ANKRD33B: variants seen among roughly 807,000 people sequenced by gnomAD.
ANKRD33B encodes the protein ankyrin repeat domain-containing protein 33B.
ANKRD33B carries 6 observed loss-of-function variants against 21.5 expected under a neutral mutation model. The ratio of observed to expected loss-of-function variants is 0.28; its 90% CI spans 0.15 to 0.55. ANKRD33B has a LOEUF of 0.55. ANKRD33B is among the 20% of genes least tolerant of loss of function. ANKRD33B has a pLI of 0.94. For missense variants in ANKRD33B, 698 were observed against 747.2 expected, an observed-to-expected ratio of 0.93 and a Z score of 0.77; for synonymous variants, 347 against 342.4, an observed-to-expected ratio of 1.01 and a Z score of -0.15.
rs778110256 is a variant in ANKRD33B at position 10,653,855 on chromosome 5, C to T, written c.*3742C>T. On this transcript the variant is annotated 3_prime_UTR_variant, in exon 4 of 4. Coordinates refer to ENST00000296657, the MANE Select transcript of ANKRD33B (RefSeq NM_001164440.2). ...GCTTTGAACAGCTGCATTCACTCAC[C>T]GAGGGCTCGCCCTCCCTGGATCTGC... 6 of 152,420 alleles carry T rather than the reference C, an allele frequency of 3.9e-5. No individual in the cohort carries two copies. Among genetic ancestry groups the T allele is most frequent in the Non-Finnish European group, 7.3e-5 (5 of 68,124 alleles). 9.4% of individuals were successfully genotyped at this position (152,420 alleles called of 1,614,324 possible).
intron 1 of ANKRD33B, among the ~76,000 whole-genome samples, chr5:10,573,455 G>C (rs965304554): frequency 2.2e-5 from 3 of 137,598 alleles, no homozygotes; most frequent in African/African-American, 5.3e-5. Flanking sequence ...GCAACAGAGC[G>C]AGACTCCGTC....
At chr5:10,601,645 G>T (rs981635961) in intron 1 of ANKRD33B, among the ~76,000 whole-genome samples, 1 of 152,254 alleles carries the variant, frequency 6.6e-6, no homozygotes, top group Non-Finnish European at 1.5e-5. Flanking sequence ...GGACCAGTAA[G>T]CCTGCTGATG....
At chr5:10,626,833 G>GTGA (rs1271528678) in intron 2 of ANKRD33B, among the ~76,000 whole-genome samples, 1 of 152,212 alleles carries the variant, frequency 6.6e-6, no homozygotes. Flanking sequence ...TGCGTCACAA[G>GTGA]CCCGTGCCAA....
At chr5:10,647,639 G>A (rs1248975338) in intron 3 of ANKRD33B, among the ~76,000 whole-genome samples, 1 of 152,192 alleles carries the variant, frequency 6.6e-6, no homozygotes, top group Admixed American at 6.5e-5. Context: ...CAACCAATAG[G>A]ATGTGGATAT....
chr5:10,649,993 C>T lies in ANKRD33B; in HGVS notation c.1365C>T (p.Ile455=). ...CCAAGGACAGCGGCCACCTGCAGAT[C>T]CCCAAGTGGCGGTACAAGGAGGCCA... ...GSTKDSGHLQ[I]PKWRYKEAKE... Residue 455 remains isoleucine, a synonymous_variant, in exon 4 of 4, where the codon ATC becomes ATT. Coordinates refer to ENST00000296657, the MANE Select transcript of ANKRD33B (RefSeq NM_001164440.2). 6.5e-7 allele frequency: 1 copy of T among 1,533,636 alleles called. No individual in the cohort carries two copies. The highest frequency in any genetic ancestry group is 8.7e-7 in the Non-Finnish European group (1 of 1,144,918).
intron 3 of ANKRD33B, among the ~76,000 whole-genome samples, chr5:10,648,498 G>A (rs534003205): frequency 1.3e-5 from 2 of 152,328 alleles, no homozygotes; most frequent in South Asian, 2.1e-4. Context: ...AGTGGCTCAC[G>A]CCTGTAATCC....
At chr5:10,633,852 G>C (rs1736793416) in intron 2 of ANKRD33B, among the ~76,000 whole-genome samples, 1 of 152,198 alleles carries the variant, frequency 6.6e-6, no homozygotes, top group Non-Finnish European at 1.5e-5. Context: ...ATAAAGGGCT[G>C]ATGGGCCTTG....
At chr5:10,597,836 C>A (rs1735849353) in intron 1 of ANKRD33B, among the ~76,000 whole-genome samples, 1 of 152,232 alleles carries the variant, frequency 6.6e-6, no homozygotes, top group Non-Finnish European at 1.5e-5. Flanking sequence ...AACAAACAGT[C>A]TCTCAGACCA....
chr5:10,572,326 G>T (rs148576311), intron 1 of ANKRD33B, among the ~76,000 whole-genome samples: 3 of 152,268 alleles, frequency 2.0e-5, no homozygotes, highest in Admixed American at 1.3e-4. Flanking sequence ...GAACTTGTTA[G>T]GAGTGCAGAA....
In ANKRD33B at chr5:10,564,833, G is replaced by T; in HGVS notation, c.366G>T (p.Arg122Ser). 1.3e-6 allele frequency: 2 copies of T among 1,495,476 alleles called. No homozygotes were observed. The highest frequency in any genetic ancestry group is 8.9e-7 in the Non-Finnish European group (1 of 1,122,926). The allele number at this position is 1,495,476 out of a possible 1,614,324, so 92.6% of individuals were successfully genotyped here. ...EEAQETDRNG[R>S]TGLIVACYHG... ...CGCAGGAGACTGACCGCAACGGCAG[G>T]GTAAGCGGGCGTCCCCGCAGGATTT... The change falls in exon 1 of 4, where the codon AGG (arginine) becomes AGT (serine). Residue 122 changes from arginine (R) to serine (S), a missense_variant and splice_region_variant. This residue lies in a region of ANKRD33B where 543 missense variants were observed against 566.5 expected (regional missense o/e 0.96). Transcript: ENST00000296657.
chr5:10,616,440 T>G (rs545048998), intron 1 of ANKRD33B, among the ~76,000 whole-genome samples: 1 of 151,900 alleles, frequency 6.6e-6, no homozygotes, highest in South Asian at 2.1e-4. Context: ...GGCACATGAC[T>G]GTAATCCCAG....
At chr5:10,607,918 C>G (rs1195262291) in intron 1 of ANKRD33B, among the ~76,000 whole-genome samples, 2 of 152,184 alleles carry the variant, frequency 1.3e-5, no homozygotes, top group East Asian at 3.8e-4. Flanking sequence ...AATGCCTATT[C>G]CTGGCAGCCT....
intron 1 of ANKRD33B, among the ~76,000 whole-genome samples, chr5:10,594,156 T>C (rs1735767339): frequency 6.8e-6 from 1 of 147,524 alleles, no homozygotes; most frequent in Admixed American, 6.6e-5. Context: ...AAAGAGATCA[T>C]GTATTTATTG....
In ANKRD33B at chr5:10,649,907, C is replaced by G; in HGVS notation, c.1279C>G (p.Arg427Gly). The G allele has an allele frequency of 1.3e-6, 2 of 1,517,846 alleles. No individual in the cohort carries two copies. Among genetic ancestry groups the G allele is most frequent in the African/African-American group, 1.4e-5 (1 of 70,662 alleles). The allele number at this position is 1,517,846 out of a possible 1,614,324, so 94.0% of individuals were successfully genotyped here. The part of the protein sequence containing the change: ...VRPGVVVPRV[R>G]VSKAPAPTFQ... ...GCCCGGTGTGGTGGTGCCCCGGGTC[C>G]GAGTCAGCAAGGCGCCCGCGCCCAC... The change falls in exon 4 of 4, where the codon CGA (arginine) becomes GGA (glycine). Residue 427 changes from arginine to glycine, a missense_variant. Arg to Gly is a moderately radical substitution (Grantham distance 125). This residue lies in a region of ANKRD33B where 543 missense variants were observed against 566.5 expected (regional missense o/e 0.96). Transcript: ENST00000296657.
chr5:10,632,412 G>T (rs1736743588), intron 2 of ANKRD33B, among the ~76,000 whole-genome samples: 1 of 152,148 alleles, frequency 6.6e-6, no homozygotes. Context: ...GGGTGGCGTG[G>T]GTGTCCACCT....
chr5:10,598,786 C>T (rs1735870640), intron 1 of ANKRD33B, among the ~76,000 whole-genome samples: 2 of 152,076 alleles, frequency 1.3e-5, no homozygotes, highest in African/African-American at 2.4e-5. Flanking sequence ...GGCATGGTGG[C>T]TCATGTCCGT....
intron 1 of ANKRD33B, among the ~76,000 whole-genome samples, chr5:10,608,125 G>T (rs1377423107): frequency 6.7e-6 from 1 of 150,246 alleles, no homozygotes; most frequent in Admixed American, 6.7e-5. Context: ...GAGGCGGGTG[G>T]ATCACTTGAG....
intron 3 of ANKRD33B, among the ~76,000 whole-genome samples, chr5:10,645,279 C>A (rs1488162665): frequency 6.6e-6 from 1 of 152,116 alleles, no homozygotes; most frequent in Non-Finnish European, 1.5e-5. Context: ...AAGAGGGAGA[C>A]CTGAGCTAGG....
At chr5:10,644,005 T>TA (rs71998359) in intron 3 of ANKRD33B, among the ~76,000 whole-genome samples, 3,675 of 140,974 alleles carry the variant, frequency 0.026, 151 homozygotes, top group African/African-American at 0.089. Context: ...GGGTAAGAAT[T>TA]AAAAAAAAAA....
Sources: allele counts gnomAD v4.1 joint callset (sites outside exome capture counted in the v4.1 genomes callset), GRCh38; gene constraint gnomAD v4.1.1; regional missense constraint gnomAD v4.1.1; transcripts MANE v1.5; gene names NCBI Gene and HGNC (gene_info 2026-07-23, HGNC 2026-07-21).